MARCHF1: variants seen among roughly 807,000 people sequenced by gnomAD.
MARCHF1 encodes the protein E3 ubiquitin-protein ligase MARCHF1.
MARCHF1 carries 40 observed loss-of-function variants against 54.2 expected under a neutral mutation model. The observed-to-expected ratio is 0.74, with a 90% CI of 0.57 to 0.96. The LOEUF is 0.96. Among genes scored for constraint, MARCHF1 ranks in the 40% least tolerant of loss-of-function variants. MARCHF1 has a pLI of 0.00. For missense variants in MARCHF1, 586 were observed against 656.5 expected, an observed-to-expected ratio of 0.89 and a Z score of 1.17; for synonymous variants, 236 against 236.3, an observed-to-expected ratio of 1.00 and a Z score of 0.01.
intron 5 of MARCHF1, among the ~76,000 whole-genome samples, chr4:163,651,248 T>TA (rs1742953025): frequency 6.6e-6 from 1 of 151,996 alleles, no homozygotes; most frequent in Non-Finnish European, 1.5e-5. Context: ...TCTGTGTACT[T>TA]ACAAAATTTG....
At chr4:163,529,633 A>T (rs191069120) in intron 9 of MARCHF1, 11 of 152,178 alleles carry the variant, frequency 7.2e-5, no homozygotes, top group African/African-American at 2.4e-4. Flanking sequence ...AAGATTTAGG[A>T]TTTTAGCCAT....
At chr4:164,095,017 G>A (rs1265961515) in intron 2 of MARCHF1, among the ~76,000 whole-genome samples, 1 of 152,046 alleles carries the variant, frequency 6.6e-6, no homozygotes, top group African/African-American at 2.4e-5. Flanking sequence ...AAAGTCTCAA[G>A]TTGCCCATTA....
rs28694086 is a variant in MARCHF1, at chr4:163,944,133, A to T, written c.-39+44368T>A. 4.2e-4 allele frequency among the ~76,000 whole-genome samples: 46 copies of T among 110,090 alleles called. 2 individuals are homozygous for T. Among genetic ancestry groups the T allele is most frequent in the East Asian group, 3.7e-3 (14 of 3,752 alleles). 72.2% of individuals were successfully genotyped at this position (110,090 alleles called of 152,430 possible). On this transcript the variant is annotated intron_variant, in intron 3 of 9. Transcript: ENST00000514618. ...AGGCACCTGTCACTGCACCGGGCTA[A>T]TTTTTTTTTTTTTTTTTTTTTTGTA...
At chr4:163,980,223 A>G (rs1446198457) in intron 3 of MARCHF1, among the ~76,000 whole-genome samples, 3 of 139,016 alleles carry the variant, frequency 2.2e-5, no homozygotes, top group African/African-American at 8.2e-5. Flanking sequence ...CATACCTACA[A>G]CTGTCTGATC....
chr4:163,839,780 A>G (rs1404714407), intron 4 of MARCHF1, among the ~76,000 whole-genome samples: 2 of 152,124 alleles, frequency 1.3e-5, no homozygotes, highest in African/African-American at 4.8e-5. Flanking sequence ...AAAATGTTCC[A>G]GATTTAGATT....
intron 1 of MARCHF1, among the ~76,000 whole-genome samples, chr4:164,115,169 G>C (rs146335364): frequency 2.2e-4 from 33 of 152,008 alleles, no homozygotes; most frequent in African/African-American, 8.0e-4. Flanking sequence ...CGCATACAAA[G>C]GGTCTTATAT....
At chr4:163,667,296 T>G (rs1743573072) in intron 5 of MARCHF1, among the ~76,000 whole-genome samples, 1 of 152,146 alleles carries the variant, frequency 6.6e-6, no homozygotes, top group Non-Finnish European at 1.5e-5. Flanking sequence ...ACTGCAAGGC[T>G]AGAACCAGAT....
intron 3 of MARCHF1, among the ~76,000 whole-genome samples, chr4:163,936,718 C>T (rs1270282416): frequency 6.6e-6 from 1 of 152,194 alleles, no homozygotes; most frequent in Non-Finnish European, 1.5e-5. Flanking sequence ...TGTAAACCAA[C>T]TGCAGTTTGA....
At chr4:164,083,504 T>A (rs999607954) in intron 2 of MARCHF1, among the ~76,000 whole-genome samples, 1 of 151,998 alleles carries the variant, frequency 6.6e-6, no homozygotes, top group Non-Finnish European at 1.5e-5. Context: ...TTTTTTTCCA[T>A]GTTAGAAAGG....
Position 164,036,113 on chromosome 4 carries a change from A to AC in MARCHF1, c.-247-47405_-247-47404insG, listed in dbSNP as rs945230366. On this transcript the variant is annotated intron_variant, in intron 2 of 9. Coordinates refer to ENST00000514618, the MANE Select transcript of MARCHF1 (RefSeq NM_001394959.1). ...GTGAGATTCTGTCTCAAAAAAAAAA[A>AC]AAACAAAAAACAAAAAACAAAAAAA... Among the ~76,000 whole-genome samples the AC allele has an allele frequency of 4.4e-4, 54 of 123,150 alleles. No homozygotes were observed. The East Asian group carries it at 0.012, about 27-fold the overall frequency. 80.8% of individuals were successfully genotyped at this position (123,150 alleles called of 152,430 possible).
At chr4:163,751,473 T>C (rs1206438240) in intron 4 of MARCHF1, among the ~76,000 whole-genome samples, 1 of 151,924 alleles carries the variant, frequency 6.6e-6, no homozygotes, top group Non-Finnish European at 1.5e-5. Flanking sequence ...TGCAAGTTTA[T>C]ATAGAAAAAA....
At chr4:164,334,068 C>A (rs1290083764) in intron 1 of MARCHF1, among the ~76,000 whole-genome samples, 1 of 152,164 alleles carries the variant, frequency 6.6e-6, no homozygotes, top group East Asian at 1.9e-4. Context: ...GAGGTGGGTT[C>A]ATGAGGCTTA....
chr4:164,257,501 A>AATTG (rs58504882), intron 1 of MARCHF1, among the ~76,000 whole-genome samples: 8 of 151,434 alleles, frequency 5.3e-5, no homozygotes, highest in Non-Finnish European at 2.9e-5. Context: ...TTTTATATTT[A>AATTG]GGCTAAATTA....
intron 1 of MARCHF1, among the ~76,000 whole-genome samples, chr4:164,359,792 CA>C (rs1426514999): frequency 6.6e-6 from 1 of 152,028 alleles, no homozygotes; most frequent in Non-Finnish European, 1.5e-5. Context: ...CCTGTAAGTC[CA>C]TCTCTCCAGT....
At chr4:164,100,702 C>G (rs1244060941) in intron 2 of MARCHF1, among the ~76,000 whole-genome samples, 3 of 152,178 alleles carry the variant, frequency 2.0e-5, no homozygotes, top group Non-Finnish European at 1.5e-5. Flanking sequence ...TATTTTAAGC[C>G]TGCTGGAGAT....
rs369492717 is a variant in MARCHF1 at position 164,272,739 on chromosome 4, C to T, written c.-323+111131G>A. 6.6e-5 allele frequency among the ~76,000 whole-genome samples: 10 copies of T among 151,786 alleles called. No individual in the cohort carries two copies. The East Asian group carries it at 1.2e-3, about 18-fold the overall frequency. On this transcript the variant is annotated intron_variant, in intron 1 of 9. Transcript: ENST00000514618. ...AGTATTAGCATTTATTTTACCATCGCTCTTTATTCTTATAGCTACATTATA... is the reference window on the plus strand; with the variant it reads ...AGTATTAGCATTTATTTTACCATCGTTCTTTATTCTTATAGCTACATTATA...
chr4:163,767,241 CT>C (rs1224680416), intron 4 of MARCHF1, among the ~76,000 whole-genome samples: 2 of 151,208 alleles, frequency 1.3e-5, no homozygotes, highest in African/African-American at 2.4e-5. Flanking sequence ...AACTTCTTTT[CT>C]TTTTTTATAA....
chr4:164,313,303 C>A (rs551915840), intron 1 of MARCHF1, among the ~76,000 whole-genome samples: 203 of 147,216 alleles, frequency 1.4e-3, no homozygotes, highest in Non-Finnish European at 2.2e-3. Flanking sequence ...GAGCCCAGAT[C>A]GTGCCACTGC....
intron 2 of MARCHF1, among the ~76,000 whole-genome samples, chr4:164,095,436 A>ACC (rs907279071): frequency 1.3e-5 from 2 of 151,754 alleles, no homozygotes; most frequent in Admixed American, 6.6e-5. Context: ...ACACACACAC[A>ACC]CCAACCTTAG....
Sources: allele counts gnomAD v4.1 joint callset (sites outside exome capture counted in the v4.1 genomes callset), GRCh38; gene constraint gnomAD v4.1.1; transcripts MANE v1.5; gene names NCBI Gene and HGNC (gene_info 2026-07-23, HGNC 2026-07-21).